Variants in ARHGAP10 observed in about 807,000 individuals in gnomAD.
The protein encoded by ARHGAP10 is Rho GTPase activating protein 10, also known as rho GTPase-activating protein 10.
Under a neutral mutation model 108.6 loss-of-function variants are expected in ARHGAP10, and 87 were observed. The ratio of observed to expected loss-of-function variants is 0.80; its 90% CI spans 0.67 to 0.96. The LOEUF is 0.96. ARHGAP10 is among the 40% of genes least tolerant of loss of function. The probability of loss-of-function intolerance (pLI) is 0.00; values close to 1 mark genes in which losing one functional copy is unlikely to be tolerated. For synonymous variants in ARHGAP10, 347 were observed against 341.1 expected (o/e 1.02, Z -0.19); for missense variants, 939 against 954.5 (o/e 0.98, Z 0.21).
intron 22 of ARHGAP10, among the ~76,000 whole-genome samples, chr4:148,069,028 C>T (rs1031666486): frequency 6.6e-6 from 1 of 152,128 alleles, no homozygotes; most frequent in African/African-American, 2.4e-5. Context: ...CTGAGACTGC[C>T]ATGTTCTCCA....
chr4:147,938,059 C>A (rs867281436), intron 13 of ARHGAP10, among the ~76,000 whole-genome samples: 3 of 152,154 alleles, frequency 2.0e-5, no homozygotes, highest in Admixed American at 1.3e-4. Context: ...ATGTCCTTTG[C>A]TGGGACATGG....
chr4:147,967,172 G>T (rs1383431049), intron 18 of ARHGAP10, among the ~76,000 whole-genome samples: 3 of 152,172 alleles, frequency 2.0e-5, no homozygotes, highest in African/African-American at 7.2e-5. Flanking sequence ...ATTCTGTGTG[G>T]CACAGCAACC....
At chr4:147,824,439 T>C (rs1732624117) in intron 3 of ARHGAP10, among the ~76,000 whole-genome samples, 1 of 152,116 alleles carries the variant, frequency 6.6e-6, no homozygotes, top group Admixed American at 6.5e-5. Flanking sequence ...ATACTGGACA[T>C]ATTAGCTAAG....
chr4:147,942,298 T>G (rs980388008), intron 14 of ARHGAP10, among the ~76,000 whole-genome samples: 5 of 152,314 alleles, frequency 3.3e-5, no homozygotes, highest in Middle Eastern at 3.4e-3. Flanking sequence ...CATGTACTAT[T>G]TTTTGAGGAG....
At chr4:147,755,712 A>G (rs1729339182) in intron 1 of ARHGAP10, among the ~76,000 whole-genome samples, 1 of 152,106 alleles carries the variant, frequency 6.6e-6, no homozygotes, top group Non-Finnish European at 1.5e-5. Context: ...TCTTGCCCTT[A>G]TATAGTGTAG....
rs200667293 is a variant in ARHGAP10, at chr4:147,914,846, A to AT, written c.1228+1716dup. 7.3e-5 allele frequency among the ~76,000 whole-genome samples: 11 copies of AT among 151,448 alleles called. No homozygotes were observed. The East Asian group carries it at 7.7e-4, about 11-fold the overall frequency. ...CCTCCGCTGACCAATAACCCAAAACATTTTTTTTTAAGTCTCTAAGCAAAA... is the reference window on the plus strand; with the variant it reads ...CCTCCGCTGACCAATAACCCAAAACATTTTTTTTTTAAGTCTCTAAGCAAAA... On this transcript the variant is annotated intron_variant, in intron 13 of 22. Transcript: ENST00000336498.
At chr4:147,906,245 G>T (rs757961739) in intron 10 of ARHGAP10, among the ~76,000 whole-genome samples, 2 of 152,194 alleles carry the variant, frequency 1.3e-5, no homozygotes, top group Non-Finnish European at 2.9e-5. Flanking sequence ...CATGTTCATA[G>T]CAGCACTGTT....
chr4:148,034,900 C>T (rs968654015), intron 19 of ARHGAP10, among the ~76,000 whole-genome samples: 1 of 152,116 alleles, frequency 6.6e-6, no homozygotes, highest in East Asian at 1.9e-4. Context: ...AAATTTTAGT[C>T]TTTAAACAAT....
intron 15 of ARHGAP10, among the ~76,000 whole-genome samples, chr4:147,948,497 C>G (rs1738472452): frequency 6.6e-6 from 1 of 152,128 alleles, no homozygotes. Flanking sequence ...CTCTACATTT[C>G]CTCCCTTCCT....
intron 1 of ARHGAP10, among the ~76,000 whole-genome samples, chr4:147,783,165 T>C (rs2126732854): frequency 7.6e-6 from 1 of 131,426 alleles, no homozygotes; most frequent in African/African-American, 2.5e-5. Flanking sequence ...TATTGTATAA[T>C]TTATATAACA....
intron 20 of ARHGAP10, among the ~76,000 whole-genome samples, chr4:148,053,856 G>A (rs1004286599): frequency 3.3e-5 from 5 of 152,142 alleles, no homozygotes; most frequent in Admixed American, 1.3e-4. Context: ...GGCCTAATTC[G>A]TGCCTTCCTT....
At chr4:147,959,791 C>T (rs1304387872) in intron 16 of ARHGAP10, among the ~76,000 whole-genome samples, 1 of 152,190 alleles carries the variant, frequency 6.6e-6, no homozygotes, top group Non-Finnish European at 1.5e-5. Flanking sequence ...ATCAATTCCA[C>T]TATTTTAAGA....
intron 15 of ARHGAP10, among the ~76,000 whole-genome samples, chr4:147,948,933 T>G (rs1466419236): frequency 6.8e-6 from 1 of 147,248 alleles, no homozygotes; most frequent in Non-Finnish European, 1.5e-5. Flanking sequence ...GCCACTGCAC[T>G]CCAGCCTAGG....
intron 7 of ARHGAP10, 137 bp from the exon 8 acceptor site, chr4:147,874,884 G>A (rs572146689): frequency 5.1e-5 from 45 of 878,240 alleles, no homozygotes; most frequent in Middle Eastern, 8.3e-4. Context: ...GGAAAGAATG[G>A]GGGTATTTTG....
At chr4:148,049,350 A>G (rs1220255317) in intron 20 of ARHGAP10, among the ~76,000 whole-genome samples, 2 of 152,208 alleles carry the variant, frequency 1.3e-5, no homozygotes, top group African/African-American at 2.4e-5. Flanking sequence ...GCCTGCCTCC[A>G]GGGCTGTGCT....
intron 6 of ARHGAP10, 138 bp downstream of exon 6, chr4:147,865,094 A>T (rs1734499390): frequency 1.4e-6 from 1 of 720,518 alleles, no homozygotes; most frequent in Non-Finnish European, 2.3e-6. Flanking sequence ...AAAAGGGCAG[A>T]CACAGATAGC....
chr4:147,901,789 T>C (rs1391985659), intron 10 of ARHGAP10, among the ~76,000 whole-genome samples: 1 of 152,194 alleles, frequency 6.6e-6, no homozygotes, highest in East Asian at 1.9e-4. Context: ...CTAGAATCAG[T>C]CATTCTTCCT....
At chr4:147,948,577 A>G (rs1308769037) in intron 15 of ARHGAP10, among the ~76,000 whole-genome samples, 2 of 152,094 alleles carry the variant, frequency 1.3e-5, no homozygotes, top group African/African-American at 4.8e-5. Context: ...AACATTTAAC[A>G]TGTTTCTTTA....
rs754784494 is a variant in ARHGAP10, at chr4:147,822,744, C to T, written c.172C>T (p.Arg58Trp). 3.0e-5 allele frequency: 48 copies of T among 1,614,138 alleles called. 1 individual carries two copies. The Middle Eastern group carries it at 5.1e-3, about 172-fold the overall frequency. The change falls in exon 2 of 23, where the codon CGG (arginine) becomes TGG (tryptophan). Residue 58 changes from arginine (R) to tryptophan (W), a missense_variant. By Grantham distance (101) the Arg-to-Trp change is moderately radical. Coordinates refer to ENST00000336498, the MANE Select transcript of ARHGAP10 (RefSeq NM_024605.4). Reference protein sequence around the residue: ...AATKSLSVAQRKFAHSLRDFK... With the variant: ...AATKSLSVAQWKFAHSLRDFK... ...CTTTCTAGGTCTGTCAGTGGCCCAG[C>T]GGAAGTTTGCTCATTCACTCAGAGA...
Sources: gnomAD v4.1 joint callset for allele counts (sites outside exome capture counted in the v4.1 genomes callset) on GRCh38, gnomAD v4.1.1 for gene constraint, MANE v1.5 for transcripts, NCBI Gene and HGNC (gene_info 2026-07-23, HGNC 2026-07-21) for gene names.